MPHOSPH9: variants seen among roughly 807,000 people sequenced by gnomAD.
MPHOSPH9 encodes the protein M-phase phosphoprotein 9.
A neutral mutation model predicts 145.5 loss-of-function variants in MPHOSPH9; 88 were observed. That is an observed-to-expected ratio of 0.60 (90% CI 0.51 to 0.72). The LOEUF is 0.72. Ranked by LOEUF, MPHOSPH9 falls within the 30% of genes least tolerant of loss-of-function variation. The pLI is 0.00. For missense variants in MPHOSPH9, 1,238 were observed against 1,386.6 expected (o/e 0.89, Z 1.70); for synonymous variants, 435 against 486.2 (o/e 0.89, Z 1.39).
chr12:123,221,272 A>G, intron 5 of MPHOSPH9, 100 bp downstream of exon 5: 1 of 974,338 alleles, frequency 1.0e-6, no homozygotes, highest in Non-Finnish European at 1.5e-6. Flanking sequence ...CAATGAACTG[A>G]TAAATGTTCA....
intron 6 of MPHOSPH9, among the ~76,000 whole-genome samples, chr12:123,217,068 AT>A (rs2046999996): frequency 6.6e-6 from 1 of 152,062 alleles, no homozygotes. Flanking sequence ...AATTTAAATA[AT>A]TTTTTAAAAA....
rs143652794 is a variant in MPHOSPH9, at chr12:123,228,575, C to A, written c.105-959G>T. Among the ~76,000 whole-genome samples, 1,139 of 152,134 alleles carry A rather than the reference C, an allele frequency of 7.5e-3. 8 individuals carry two copies. Among genetic ancestry groups the A allele is most frequent in the South Asian group, 0.013 (65 of 4,824 alleles). On this transcript the variant is annotated intron_variant, in intron 2 of 23. Transcript: ENST00000606320. ...TGGTAGTGCGTGCCTGTAGTCCCAGCCAATCAGGAGGCTGAGGCAGGGGAA... is the reference window on the plus strand; with the variant it reads ...TGGTAGTGCGTGCCTGTAGTCCCAGACAATCAGGAGGCTGAGGCAGGGGAA...
rs760801841 is a variant in MPHOSPH9, at chr12:123,203,279, A to T, written c.1291T>A (p.Ser431Thr). ...GGTGGATGATTTGGGTTGGAAGCAG[A>T]AGTGAGATTCCTCTCAGGTAACTGC... ...NKQLPERNLT[S>T]ASNPNHPPEV... is the part of the protein sequence containing the mutation. The change falls in exon 9 of 24, where the codon TCT (serine) becomes ACT (threonine). Residue 431 changes from serine (S) to threonine (T), a missense_variant. Around this residue, in one of 3 missense-constraint regions of MPHOSPH9, gnomAD observed 837 missense variants for 897.5 expected, o/e 0.93. Transcript: ENST00000606320. 4 of 1,613,980 alleles carry T rather than the reference A, an allele frequency of 2.5e-6. No individual in the cohort carries two copies. The highest frequency in any genetic ancestry group is 3.4e-6 in the Non-Finnish European group (4 of 1,179,964).
At chr12:123,234,552 C>T (rs1412018992), upstream of MPHOSPH9, among the ~76,000 whole-genome samples, 1 of 152,062 alleles carries the variant, frequency 6.6e-6, no homozygotes. Flanking sequence ...CCCGCCACCA[C>T]ATCCGGCTAA....
At chr12:123,195,550 C>A (rs1037475360) in intron 12 of MPHOSPH9, among the ~76,000 whole-genome samples, 1 of 151,610 alleles carries the variant, frequency 6.6e-6, no homozygotes, top group Non-Finnish European at 1.5e-5. Context: ...CATGCCACTG[C>A]ACTCCAGCCC....
intron 1 of MPHOSPH9, among the ~76,000 whole-genome samples, chr12:123,231,227 C>G (rs2047621398): frequency 6.6e-6 from 1 of 152,180 alleles, no homozygotes; most frequent in Non-Finnish European, 1.5e-5. Flanking sequence ...AGTGCTCAGC[C>G]TCCCGAGCAG....
At chr12:123,239,295 G>A (rs2047894429) in intron 1 of MPHOSPH9, among the ~76,000 whole-genome samples, 1 of 152,172 alleles carries the variant, frequency 6.6e-6, no homozygotes, top group African/African-American at 2.4e-5. Context: ...ATCACGTGTG[G>A]AAATAATAGT....
At chr12:123,218,527 C>G (rs1202422884) in intron 5 of MPHOSPH9, 28 bp from the exon 6 acceptor site, 56 of 1,117,576 alleles carry the variant, frequency 5.0e-5, no homozygotes, top group Non-Finnish European at 6.9e-5. Flanking sequence ...ACCAAAATTA[C>G]TTTTTTTTTT....
intron 16 of MPHOSPH9, among the ~76,000 whole-genome samples, chr12:123,168,970 T>C (rs1375043222): frequency 1.3e-5 from 2 of 151,414 alleles, no homozygotes; most frequent in African/African-American, 4.9e-5. Flanking sequence ...CGGCAAGCTC[T>C]GCCTCTTGGG....
At chr12:123,181,593 C>T (rs1365688529) in intron 13 of MPHOSPH9, among the ~76,000 whole-genome samples, 1 of 151,024 alleles carries the variant, frequency 6.6e-6, no homozygotes, top group Non-Finnish European at 1.5e-5. Flanking sequence ...CTCGGTGGCT[C>T]ACGCCTGTAA....
chr12:123,232,771 C>T (rs955349799), intron 1 of MPHOSPH9: 5 of 152,250 alleles, frequency 3.3e-5, no homozygotes, highest in African/African-American at 1.2e-4. Context: ...GAAACCGGGG[C>T]ACCTTGGCAA....
At chr12:123,186,158 C>T (rs1284881391) in intron 13 of MPHOSPH9, among the ~76,000 whole-genome samples, 2 of 136,998 alleles carry the variant, frequency 1.5e-5, no homozygotes, top group South Asian at 4.5e-4. Context: ...ACCCGGGAGG[C>T]GGAGGTTGTG....
intron 16 of MPHOSPH9, among the ~76,000 whole-genome samples, chr12:123,168,889 GTT>G (rs1052892589): frequency 7.1e-6 from 1 of 141,020 alleles, no homozygotes. Flanking sequence ...CTTTCCCTCA[GTT>G]TTTTTTTTTT....
intron 15 of MPHOSPH9, among the ~76,000 whole-genome samples, chr12:123,177,442 G>A (rs1004319242): frequency 2.6e-4 from 39 of 152,090 alleles, no homozygotes; most frequent in African/African-American, 8.7e-4. Context: ...GACTGAGGCA[G>A]GAGAATCGGC....
At chr12:123,225,080 AG>A (rs2047382039) in intron 3 of MPHOSPH9, among the ~76,000 whole-genome samples, 1 of 152,224 alleles carries the variant, frequency 6.6e-6, no homozygotes, top group Non-Finnish European at 1.5e-5. Context: ...GGGTAAAGGT[AG>A]GTTATATTAC....
In MPHOSPH9 at chr12:123,161,183, C is replaced by T; in HGVS notation, c.3334G>A (p.Ala1112Thr). 6.2e-7 allele frequency: 1 copy of T among 1,614,150 alleles called. No individual in the cohort carries two copies. Among genetic ancestry groups the T allele is most frequent in the South Asian group, 1.1e-5 (1 of 91,076 alleles). Residue 1112 changes from alanine to threonine, a missense_variant, in exon 22 of 24, where the codon GCT (alanine) becomes ACT (threonine). Ala to Thr is a moderately conservative substitution (Grantham distance 58, BLOSUM62 0). Coordinates refer to ENST00000606320, the MANE Select transcript of MPHOSPH9 (RefSeq NM_022782.4). ...FEYTAKIRTLAETERFFDELT... is the reference protein window; with the variant it reads ...FEYTAKIRTLTETERFFDELT... ...TCATCAAAAAATCGTTCTGTTTCAG[C>T]TAGGGTCCGAATTTTTGCTGTATAT... is the stretch of plus-strand genomic sequence containing the variant.
At chr12:123,207,184 T>C (rs1264861935) in intron 8 of MPHOSPH9, among the ~76,000 whole-genome samples, 2 of 142,316 alleles carry the variant, frequency 1.4e-5, no homozygotes, top group Non-Finnish European at 3.0e-5. Context: ...ATCAGTCTAA[T>C]TTATAAATTT....
intron 6 of MPHOSPH9, 53 bp from the exon 7 acceptor site, chr12:123,214,887 G>T: frequency 7.0e-7 from 1 of 1,422,602 alleles, no homozygotes; most frequent in South Asian, 1.2e-5. Context: ...GGCACAATCT[G>T]CTGACCCAAG....
At chr12:123,152,775 A>T (rs977521673), downstream of MPHOSPH9, 4 of 329,788 alleles carry the variant, frequency 1.2e-5, no homozygotes, top group African/African-American at 8.7e-5. Context: ...TAGTGGATTT[A>T]ATCAAACCTG....
Sources: allele counts gnomAD v4.1 joint callset (sites outside exome capture counted in the v4.1 genomes callset), GRCh38; gene constraint gnomAD v4.1.1; regional missense constraint gnomAD v4.1.1; transcripts MANE v1.5; gene names NCBI Gene and HGNC (gene_info 2026-07-23, HGNC 2026-07-21).